ATP8A2: variants seen among roughly 807,000 people sequenced by gnomAD.
ATP8A2 encodes the protein phospholipid-transporting ATPase IB.
Under a neutral mutation model 165.6 loss-of-function variants are expected in ATP8A2, and 100 were observed. The observed-to-expected ratio is 0.60, with a 90% CI of 0.51 to 0.71. The LOEUF (loss-of-function observed/expected upper bound fraction) is 0.71, where lower values mean the gene tolerates loss of function less well. ATP8A2 is among the 30% of genes least tolerant of loss of function. The probability of loss-of-function intolerance (pLI) is 0.00; values close to 1 mark genes in which losing one functional copy is unlikely to be tolerated. For missense variants in ATP8A2, 1,227 were observed against 1,479.5 expected, an observed-to-expected ratio of 0.83 and a Z score of 2.80; for synonymous variants, 543 against 548.8, an observed-to-expected ratio of 0.99 and a Z score of 0.15.
intron 24 of ATP8A2, among the ~76,000 whole-genome samples, chr13:25,594,571 C>A (rs1470502435): frequency 1.3e-5 from 2 of 152,080 alleles, no homozygotes; most frequent in Non-Finnish European, 2.9e-5. Flanking sequence ...TTATCCCTTC[C>A]CACCCTTTCC....
At chr13:25,425,797 C>T (rs1400016739) in intron 1 of ATP8A2, among the ~76,000 whole-genome samples, 5 of 152,092 alleles carry the variant, frequency 3.3e-5, no homozygotes, top group African/African-American at 1.2e-4. Context: ...AGGATGGTCT[C>T]GATCTCCTGA....
chr13:25,958,769 A>G (rs1955591669), intron 33 of ATP8A2, among the ~76,000 whole-genome samples: 1 of 152,218 alleles, frequency 6.6e-6, no homozygotes, highest in Non-Finnish European at 1.5e-5. Flanking sequence ...TTTGAAGACC[A>G]GCAACAGAAC....
intron 1 of ATP8A2, among the ~76,000 whole-genome samples, chr13:25,380,986 C>G (rs2032816973): frequency 6.6e-6 from 1 of 152,154 alleles, no homozygotes. Flanking sequence ...CGGGCACACT[C>G]TAAGATATCC....
chr13:25,842,603 T>C, intron 30 of ATP8A2, among the ~76,000 whole-genome samples: 1 of 146,686 alleles, frequency 6.8e-6, no homozygotes. Flanking sequence ...ACCCGGGAGG[T>C]GGAGGTTGCA....
chr13:25,415,781 C>T (rs999021735), intron 1 of ATP8A2, among the ~76,000 whole-genome samples: 2 of 152,138 alleles, frequency 1.3e-5, no homozygotes, highest in African/African-American at 4.8e-5. Flanking sequence ...GCCTACTTGG[C>T]CTCCACATCT....
chr13:25,624,203 G>A (rs1319888638), intron 24 of ATP8A2, among the ~76,000 whole-genome samples: 1 of 152,150 alleles, frequency 6.6e-6, no homozygotes, highest in Non-Finnish European at 1.5e-5. Context: ...CTCAGGACAA[G>A]GACTGTGGGC....
At chr13:25,946,849 G>A (rs1266214215) in intron 33 of ATP8A2, among the ~76,000 whole-genome samples, 1 of 152,146 alleles carries the variant, frequency 6.6e-6, no homozygotes, top group Non-Finnish European at 1.5e-5. Context: ...CTGGGTTGGA[G>A]CAATTCTCCT....
intron 33 of ATP8A2, chr13:25,927,107 G>A (rs1009271225): frequency 2.2e-6 from 1 of 456,198 alleles, no homozygotes; most frequent in Non-Finnish European, 4.4e-6. Context: ...TCCCTTTCCT[G>A]TAGCTCACAT....
chr13:25,787,602 T>A (rs1264228641), intron 27 of ATP8A2, among the ~76,000 whole-genome samples: 1 of 152,254 alleles, frequency 6.6e-6, no homozygotes, highest in Non-Finnish European at 1.5e-5. Flanking sequence ...ATTTCCTTAT[T>A]CAGCGTTGCT....
intron 27 of ATP8A2, among the ~76,000 whole-genome samples, chr13:25,780,867 A>G (rs960496040): frequency 2.0e-5 from 3 of 152,244 alleles, no homozygotes; most frequent in African/African-American, 4.8e-5. Context: ...ACCTCCTGCT[A>G]TGTGGTCGGG....
intron 2 of ATP8A2, among the ~76,000 whole-genome samples, chr13:25,511,783 G>C (rs9578878): frequency 0.059 from 9,025 of 151,800 alleles, 336 homozygotes; most frequent in South Asian, 0.13. Context: ...TCTCATTGTT[G>C]TGGGTACTTC....
chr13:25,926,810 G>A (rs371996721), intron 33 of ATP8A2, among the ~76,000 whole-genome samples: 2 of 152,282 alleles, frequency 1.3e-5, no homozygotes, highest in African/African-American at 4.8e-5. Context: ...GACCAGCCTG[G>A]GCAATATAGC....
chr13:25,659,400 C>T (rs2042002403), intron 24 of ATP8A2, among the ~76,000 whole-genome samples: 1 of 152,158 alleles, frequency 6.6e-6, no homozygotes, highest in South Asian at 2.1e-4. Context: ...CAACTGCATG[C>T]CAGGCGCCTT....
rs184895039 is a variant in ATP8A2 at position 25,886,724 on chromosome 13, C to A, written c.3183+24316C>A. On this transcript the variant is annotated intron_variant, in intron 33 of 36. Transcript: ENST00000381655. ...GTGCCATCTGATAGCTGTTCCATAG[C>A]GTATAGGAAAACAGCTGAGACTCAG... Among the ~76,000 whole-genome samples, 79 of 152,266 alleles carry A rather than the reference C, an allele frequency of 5.2e-4. 1 individual carries two copies. Among genetic ancestry groups the A allele is most frequent in the African/African-American group, 1.9e-3 (77 of 41,562 alleles).
intron 2 of ATP8A2, among the ~76,000 whole-genome samples, chr13:25,502,156 A>G (rs977071841): frequency 2.6e-5 from 4 of 152,232 alleles, no homozygotes; most frequent in Non-Finnish European, 5.9e-5. Context: ...TATGATTTGG[A>G]TCACGGGGTG....
At chr13:25,959,287 T>C (rs573306064) in intron 33 of ATP8A2, among the ~76,000 whole-genome samples, 1 of 152,324 alleles carries the variant, frequency 6.6e-6, no homozygotes, top group South Asian at 2.1e-4. Flanking sequence ...CAAAGAGATA[T>C]GACAATACAA....
chr13:25,414,273 C>T (rs1225006157), intron 1 of ATP8A2, among the ~76,000 whole-genome samples: 1 of 148,146 alleles, frequency 6.8e-6, no homozygotes, highest in Non-Finnish European at 1.5e-5. Flanking sequence ...TCACTGCAAT[C>T]TCTGCCTCCC....
chr13:25,449,806 G>A (rs2035164159), intron 1 of ATP8A2, among the ~76,000 whole-genome samples: 1 of 151,956 alleles, frequency 6.6e-6, no homozygotes, highest in Non-Finnish European at 1.5e-5. Context: ...GTGCTTTTTT[G>A]CCCTTGTAAT....
chr13:25,764,413 A>G (rs1267661631), intron 25 of ATP8A2, among the ~76,000 whole-genome samples: 2 of 152,236 alleles, frequency 1.3e-5, no homozygotes, highest in African/African-American at 4.8e-5. Flanking sequence ...GTTAACTGTC[A>G]CTATGGAAAT....
Sources: allele counts gnomAD v4.1 joint callset (sites outside exome capture counted in the v4.1 genomes callset), GRCh38; gene constraint gnomAD v4.1.1; transcripts MANE v1.5; gene names NCBI Gene and HGNC (gene_info 2026-07-23, HGNC 2026-07-21).